The following FBXL17 variants were observed in gnomAD, a reference collection of about 807,000 sequenced individuals.
The protein encoded by FBXL17 is F-box and leucine rich repeat protein 17.
FBXL17 carries 22 observed loss-of-function variants against 66.2 expected under a neutral mutation model. The observed-to-expected ratio is 0.33, with a 90% CI of 0.24 to 0.47. FBXL17 has a LOEUF of 0.47. Among genes scored for constraint, FBXL17 ranks in the 20% least tolerant of loss-of-function variants. FBXL17 has a pLI of 1.00. For synonymous variants in FBXL17, 474 were observed against 400.5 expected (o/e 1.18, Z -2.19); for missense variants, 878 against 948.2 (o/e 0.93, Z 0.97).
intron 7 of FBXL17, among the ~76,000 whole-genome samples, chr5:107,937,800 AT>A (rs899101962): frequency 1.1e-4 from 16 of 152,138 alleles, no homozygotes; most frequent in Non-Finnish European, 2.1e-4. Context: ...CAATATTGAG[AT>A]TACAGGGGTC....
chr5:108,251,815 T>C (rs895682466), intron 4 of FBXL17, among the ~76,000 whole-genome samples: 1 of 152,092 alleles, frequency 6.6e-6, no homozygotes, highest in Non-Finnish European at 1.5e-5. Context: ...AAATAACATA[T>C]TGTATAGTTC....
intron 4 of FBXL17, among the ~76,000 whole-genome samples, chr5:108,224,528 T>TACACACACAC (rs138044828): frequency 2.9e-4 from 43 of 147,362 alleles, no homozygotes; most frequent in East Asian, 1.4e-3. Flanking sequence ...TGTATATGTA[T>TACACACACAC]ACACACACAC....
At chr5:107,879,370 T>A in intron 8 of FBXL17, 1 of 985,424 alleles carries the variant, frequency 1.0e-6, no homozygotes. Context: ...CTTTAACTTG[T>A]CTTAAAAGAA....
intron 3 of FBXL17, among the ~76,000 whole-genome samples, chr5:108,360,987 T>G (rs1748306541): frequency 6.6e-6 from 1 of 152,122 alleles, no homozygotes; most frequent in Non-Finnish European, 1.5e-5. Flanking sequence ...TTTTCCTAAT[T>G]TCCTTCATTT....
chr5:108,302,153 ATT>A (rs1023588095), intron 4 of FBXL17: 9 of 260,392 alleles, frequency 3.5e-5, no homozygotes, highest in Non-Finnish European at 5.4e-5. Context: ...ATGCAACTAA[ATT>A]GATATATCCA....
At chr5:108,334,553 G>A (rs961136250) in intron 4 of FBXL17, among the ~76,000 whole-genome samples, 6 of 152,178 alleles carry the variant, frequency 3.9e-5, no homozygotes, top group African/African-American at 1.4e-4. Context: ...TTTTGTTCTG[G>A]TAGGTAGAGG....
intron 6 of FBXL17, among the ~76,000 whole-genome samples, chr5:108,120,587 T>C (rs1750448454): frequency 6.6e-6 from 1 of 152,070 alleles, no homozygotes; most frequent in African/African-American, 2.4e-5. Flanking sequence ...TCTCAGCGCT[T>C]TGGGAGGTGG....
At chr5:108,290,747 G>A (rs528169467) in intron 4 of FBXL17, among the ~76,000 whole-genome samples, 1 of 152,024 alleles carries the variant, frequency 6.6e-6, no homozygotes, top group Non-Finnish European at 1.5e-5. Flanking sequence ...TTTCCATAAA[G>A]GTCTTATGTA....
In FBXL17 at chr5:108,085,612, G is replaced by C. The variant is rs187197245; in HGVS notation, c.1746-64611C>G. 3.9e-3 allele frequency among the ~76,000 whole-genome samples: 599 copies of C among 152,254 alleles called. 3 individuals carry two copies. The highest frequency in any genetic ancestry group is 0.014 in the African/African-American group (571 of 41,542). ...TCAGAACATGACACCTCAGTGTATG[G>C]TACCTTGGCATACTGAATACTTTGA... is the stretch of plus-strand genomic sequence containing the variant. On this transcript the variant is annotated intron_variant, in intron 6 of 8. Transcript: ENST00000542267.
At chr5:108,341,167 A>C (rs935583893) in intron 4 of FBXL17, among the ~76,000 whole-genome samples, 2 of 152,164 alleles carry the variant, frequency 1.3e-5, no homozygotes, top group Admixed American at 6.5e-5. Context: ...CTAACAATGA[A>C]AAAGAATGAA....
At chr5:108,303,405 C>T (rs899260621) in intron 4 of FBXL17, among the ~76,000 whole-genome samples, 1 of 150,884 alleles carries the variant, frequency 6.6e-6, no homozygotes, top group South Asian at 2.1e-4. Context: ...CATACCCACA[C>T]ACAAGCAACA....
chr5:108,126,648 T>TATATATATATA (rs1370604459), intron 6 of FBXL17, among the ~76,000 whole-genome samples: 15 of 77,784 alleles, frequency 1.9e-4, no homozygotes, highest in African/African-American at 6.8e-4. Context: ...TCTCTCTCTC[T>TATATATATATA]CTCTATATAT....
Position 108,284,945 on chromosome 5 carries a change from CA to C in FBXL17, c.1507-60718del, listed in dbSNP as rs1433558813. 2.0e-5 allele frequency among the ~76,000 whole-genome samples: 3 copies of C among 151,852 alleles called. No individual in the cohort carries two copies. The East Asian group carries it at 5.8e-4, about 29-fold the overall frequency. ...ATGCTGTTTGATCATATTTTACCCA[CA>C]GCAAAACTTCTTTCTACTACAGAGT... On this transcript the variant is annotated intron_variant, in intron 4 of 8. Coordinates refer to ENST00000542267, the MANE Select transcript of FBXL17 (RefSeq NM_001163315.3).
intron 8 of FBXL17, chr5:107,880,661 G>A: frequency 8.3e-7 from 1 of 1,204,378 alleles, no homozygotes; most frequent in Non-Finnish European, 1.0e-6. Context: ...CACCTTTACT[G>A]TTGCTGGAAA....
At chr5:108,285,305 T>C (rs1358724209) in intron 4 of FBXL17, among the ~76,000 whole-genome samples, 1 of 151,902 alleles carries the variant, frequency 6.6e-6, no homozygotes, top group African/African-American at 2.4e-5. Flanking sequence ...ATGTTTATAT[T>C]TTGGCCTCCT....
At position 108,353,838 on chromosome 5, in the gene FBXL17, T is replaced by C. The variant is rs543104160; in HGVS notation, c.1375-5308A>G. Among the ~76,000 whole-genome samples, 6 of 152,278 alleles carry C rather than the reference T, an allele frequency of 3.9e-5. No individual in the cohort carries two copies. The East Asian group carries it at 7.7e-4, about 20-fold the overall frequency. ...ATATTAAAACCTAATCCTAAAACTA[T>C]AGATCATTCCTCCTCTCCCCACACC... On this transcript the variant is annotated intron_variant, in intron 3 of 8. Coordinates refer to ENST00000542267, the MANE Select transcript of FBXL17 (RefSeq NM_001163315.3).
At chr5:107,975,935 T>C (rs1017226573) in intron 7 of FBXL17, among the ~76,000 whole-genome samples, 2 of 149,370 alleles carry the variant, frequency 1.3e-5, no homozygotes, top group Admixed American at 1.3e-4. Flanking sequence ...CTTGCCTCAC[T>C]GCAACCTCCG....
chr5:108,247,193 G>T (rs12653027), intron 4 of FBXL17, among the ~76,000 whole-genome samples: 2 of 152,046 alleles, frequency 1.3e-5, no homozygotes, highest in Non-Finnish European at 2.9e-5. Flanking sequence ...CCCTGGCTTC[G>T]AAGAAGAGAA....
chr5:108,241,841 T>C (rs562834803), intron 4 of FBXL17, among the ~76,000 whole-genome samples: 1 of 152,294 alleles, frequency 6.6e-6, no homozygotes, highest in African/African-American at 2.4e-5. Context: ...GGAAACTTTA[T>C]GGGCCAGGAG....
Sources: allele counts gnomAD v4.1 joint callset (sites outside exome capture counted in the v4.1 genomes callset), GRCh38; gene constraint gnomAD v4.1.1; transcripts MANE v1.5; gene names NCBI Gene and HGNC (gene_info 2026-07-23, HGNC 2026-07-21).